The following EYA1 variants were observed in gnomAD, a reference collection of about 807,000 sequenced individuals.
EYA1 encodes protein phosphatase EYA1.
Under a neutral mutation model 82.0 loss-of-function variants are expected in EYA1, and 16 were observed. That is an observed-to-expected ratio of 0.20 (90% CI 0.13 to 0.30). The LOEUF (loss-of-function observed/expected upper bound fraction) is 0.30. EYA1 is among the 10% of genes least tolerant of loss of function. EYA1 has a pLI of 1.00. For synonymous variants in EYA1, 261 were observed against 264.4 expected (o/e 0.99, Z 0.12); for missense variants, 633 against 730.7 (o/e 0.87, Z 1.54).
intron 1 of EYA1, among the ~76,000 whole-genome samples, chr8:71,537,808 T>C (rs962061768): frequency 6.6e-6 from 1 of 152,232 alleles, no homozygotes; most frequent in African/African-American, 2.4e-5. Context: ...CTGAACAGTT[T>C]AAGGTATTAA....
chr8:71,402,217 C>T (rs765404741), intron 2 of EYA1, among the ~76,000 whole-genome samples: 5 of 152,180 alleles, frequency 3.3e-5, no homozygotes, highest in Non-Finnish European at 5.9e-5. Context: ...TTGTGGTCTG[C>T]TTCCCCAGAC....
chr8:71,299,781 A>C (rs979558625), intron 7 of EYA1, 61 bp from the exon 8 acceptor site: 1 of 890,826 alleles, frequency 1.1e-6, no homozygotes, highest in Non-Finnish European at 1.9e-6. Flanking sequence ...TGGGTACAGG[A>C]AAATAGCATT....
At chr8:71,385,645 A>C (rs1405835036) in intron 2 of EYA1, among the ~76,000 whole-genome samples, 1 of 152,208 alleles carries the variant, frequency 6.6e-6, no homozygotes, top group East Asian at 1.9e-4. Context: ...TGAGGCTCAG[A>C]GTGAGACTAA....
intron 2 of EYA1, among the ~76,000 whole-genome samples, chr8:71,506,532 T>A (rs1159300568): frequency 6.6e-6 from 1 of 152,236 alleles, no homozygotes; most frequent in Non-Finnish European, 1.5e-5. Flanking sequence ...ATTATATTTG[T>A]TATTGTAATT....
chr8:71,424,847 G>A (rs1831332508), intron 2 of EYA1, among the ~76,000 whole-genome samples: 2 of 152,008 alleles, frequency 1.3e-5, no homozygotes, highest in East Asian at 1.9e-4. Context: ...TACGGGCTAA[G>A]AGCAGTAACA....
chr8:71,305,994 C>T (rs983419531), intron 7 of EYA1, among the ~76,000 whole-genome samples: 3 of 152,138 alleles, frequency 2.0e-5, no homozygotes, highest in South Asian at 2.1e-4. Flanking sequence ...CATCATGAAC[C>T]TATCCCTCGA....
intron 3 of EYA1, 157 bp from the exon 4 acceptor site, chr8:71,334,331 A>T (rs779562089): frequency 1.5e-5 from 11 of 710,640 alleles, no homozygotes; most frequent in Non-Finnish European, 2.3e-5. Context: ...GACTCCTTTT[A>T]AAAAAATTCA....
At chr8:71,297,525 T>A (rs1182751480) in intron 9 of EYA1, among the ~76,000 whole-genome samples, 1 of 152,158 alleles carries the variant, frequency 6.6e-6, no homozygotes, top group African/African-American at 2.4e-5. Flanking sequence ...TAAAAGAGGT[T>A]TGCTACATCT....
At chr8:71,328,023 T>G (rs1159282932) in intron 4 of EYA1, among the ~76,000 whole-genome samples, 1 of 151,768 alleles carries the variant, frequency 6.6e-6, no homozygotes, top group Non-Finnish European at 1.5e-5. Flanking sequence ...GCCCGGCTAA[T>G]TTTTTGTATT....
intron 4 of EYA1, among the ~76,000 whole-genome samples, chr8:71,328,964 T>A (rs1406833397): frequency 2.6e-5 from 4 of 152,190 alleles, no homozygotes; most frequent in Non-Finnish European, 5.9e-5. Context: ...ATCTCCTGTA[T>A]GCTTGATGCC....
chr8:71,264,877 T>C (rs1044545135), intron 11 of EYA1, among the ~76,000 whole-genome samples: 2 of 152,148 alleles, frequency 1.3e-5, no homozygotes, highest in African/African-American at 4.8e-5. Flanking sequence ...ACCACCATGC[T>C]GGGCCAAATT....
At chr8:71,425,212 G>A (rs1057221201) in intron 2 of EYA1, among the ~76,000 whole-genome samples, 1 of 151,748 alleles carries the variant, frequency 6.6e-6, no homozygotes, top group Non-Finnish European at 1.5e-5. Context: ...GAACCCGGGA[G>A]GCAGAGCTTG....
intron 11 of EYA1, among the ~76,000 whole-genome samples, chr8:71,253,760 A>C (rs967594486): frequency 1.2e-4 from 18 of 152,202 alleles, no homozygotes; most frequent in African/African-American, 4.3e-4. Context: ...AAGATAACAA[A>C]GGAATGTGGC....
At chr8:71,213,340 G>A (rs763766704) in intron 16 of EYA1, among the ~76,000 whole-genome samples, 13 of 152,056 alleles carry the variant, frequency 8.5e-5, no homozygotes, top group Non-Finnish European at 1.8e-4. Context: ...AGCTCTACCC[G>A]CTTCTGTACT....
At chr8:71,496,646 C>G (rs1296125034) in intron 2 of EYA1, among the ~76,000 whole-genome samples, 1 of 152,026 alleles carries the variant, frequency 6.6e-6, no homozygotes, top group African/African-American at 2.4e-5. Context: ...GTGAACTAAC[C>G]TCTGGAACAA....
intron 2 of EYA1, among the ~76,000 whole-genome samples, chr8:71,376,835 A>G (rs1242898689): frequency 6.6e-6 from 1 of 152,128 alleles, no homozygotes; most frequent in Non-Finnish European, 1.5e-5. Flanking sequence ...CTGCAAGTTA[A>G]CTAGTTTTCA....
chr8:71,360,055 G>C (rs553087863), intron 1 of EYA1, among the ~76,000 whole-genome samples: 30 of 152,172 alleles, frequency 2.0e-4, no homozygotes, highest in African/African-American at 7.2e-4. Context: ...AAGTTCTAGG[G>C]AGACGTCAAT....
chr8:71,210,415 G>C (rs1808358027), intron 17 of EYA1, among the ~76,000 whole-genome samples: 2 of 152,170 alleles, frequency 1.3e-5, no homozygotes, highest in Admixed American at 6.5e-5. Context: ...TACAGTGTAA[G>C]GTACAGGAGG....
intron 2 of EYA1, among the ~76,000 whole-genome samples, chr8:71,450,764 G>T (rs768323479): frequency 2.0e-5 from 3 of 152,118 alleles, no homozygotes; most frequent in Non-Finnish European, 2.9e-5. Context: ...TATATAAAAA[G>T]GGAACAAGAA....
Sources: allele counts gnomAD v4.1 joint callset (sites outside exome capture counted in the v4.1 genomes callset), GRCh38; gene constraint gnomAD v4.1.1; transcripts MANE v1.5; gene names NCBI Gene and HGNC (gene_info 2026-07-23, HGNC 2026-07-21).